Variants in NDUFAF2 observed in about 807,000 individuals in gnomAD.
NDUFAF2 encodes NADH dehydrogenase [ubiquinone] 1 alpha subcomplex assembly factor 2.
A neutral mutation model predicts 22.8 loss-of-function variants in NDUFAF2; 13 were observed. The observed-to-expected ratio is 0.57, with a 90% CI of 0.37 to 0.91. NDUFAF2 has a LOEUF of 0.91. Among genes scored for constraint, NDUFAF2 ranks in the 40% least tolerant of loss-of-function variants. The probability of loss-of-function intolerance (pLI) is 0.01; values close to 1 mark genes in which losing one functional copy is unlikely to be tolerated. For missense variants in NDUFAF2, 162 were observed against 195.2 expected (o/e 0.83, Z 1.01); for synonymous variants, 53 against 64.2 (o/e 0.83, Z 0.84).
intron 1 of NDUFAF2, among the ~76,000 whole-genome samples, chr5:60,989,970 A>G (rs1316718802): frequency 1.3e-5 from 2 of 152,208 alleles, no homozygotes; most frequent in Non-Finnish European, 1.5e-5. Flanking sequence ...CTATTAAGCC[A>G]TAAAAAAGAA....
intron 1 of NDUFAF2, among the ~76,000 whole-genome samples, chr5:60,950,671 T>A (rs923434323): frequency 6.6e-6 from 1 of 150,696 alleles, no homozygotes; most frequent in Non-Finnish European, 1.5e-5. Context: ...TCTGTTGGAA[T>A]GATCATGTGG....
chr5:61,062,802 A>G (rs1752181858), intron 1 of NDUFAF2, among the ~76,000 whole-genome samples: 1 of 152,188 alleles, frequency 6.6e-6, no homozygotes. Context: ...AAAAGAAGCA[A>G]GAAAAAAGCA....
At chr5:61,118,202 G>T (rs528466165) in intron 3 of NDUFAF2, among the ~76,000 whole-genome samples, 2 of 152,196 alleles carry the variant, frequency 1.3e-5, no homozygotes, top group Admixed American at 6.5e-5. Flanking sequence ...GTCTTGCCTT[G>T]CAGTTTAAAA....
chr5:60,990,053 A>G (rs146822632), intron 1 of NDUFAF2, among the ~76,000 whole-genome samples: 17 of 152,340 alleles, frequency 1.1e-4, no homozygotes, highest in South Asian at 2.1e-4. Flanking sequence ...CCAGGCACAG[A>G]AAGACAAACT....
At chr5:60,959,908 T>A (rs1750662354) in intron 1 of NDUFAF2, among the ~76,000 whole-genome samples, 1 of 152,146 alleles carries the variant, frequency 6.6e-6, no homozygotes. Flanking sequence ...TGTATTTTGT[T>A]GAGGGGAAAC....
At chr5:60,954,172 T>C (rs1242683160) in intron 1 of NDUFAF2, among the ~76,000 whole-genome samples, 1 of 152,162 alleles carries the variant, frequency 6.6e-6, no homozygotes. Flanking sequence ...CCCAAGTCAT[T>C]AGCTGTAAGA....
intron 1 of NDUFAF2, among the ~76,000 whole-genome samples, chr5:60,981,541 C>A (rs1190172698): frequency 1.3e-5 from 2 of 152,124 alleles, no homozygotes; most frequent in Non-Finnish European, 2.9e-5. Context: ...AGAATACTGT[C>A]ACACTGAAGT....
In NDUFAF2 at chr5:61,121,428, G is replaced by C. The variant is rs530943117; in HGVS notation, c.258+22396G>C. ...TACAGCTTGTTTTTCTTTTTAATGA[G>C]CTAGAAAAACATGGAATAGAAAGTA... On this transcript the variant is annotated intron_variant, in intron 3 of 3. Transcript: ENST00000296597. Among the ~76,000 whole-genome samples, 18 of 152,190 alleles carry C rather than the reference G, an allele frequency of 1.2e-4. No homozygotes were observed. In the South Asian group the frequency reaches 3.5e-3, roughly 30 times the overall value.
intron 3 of NDUFAF2, among the ~76,000 whole-genome samples, chr5:61,138,496 T>TC (rs1176726485): frequency 1.3e-5 from 2 of 151,840 alleles, no homozygotes; most frequent in African/African-American, 2.4e-5. Context: ...AACAGCCTCC[T>TC]CCCCCCCAGA....
chr5:61,123,289 A>G (rs544263564), intron 3 of NDUFAF2, among the ~76,000 whole-genome samples: 2 of 152,284 alleles, frequency 1.3e-5, no homozygotes, highest in East Asian at 3.9e-4. Flanking sequence ...TCACTTGATG[A>G]CAGGTAGGTC....
chr5:61,138,773 CTG>C (rs1741005373), intron 3 of NDUFAF2, among the ~76,000 whole-genome samples: 1 of 152,164 alleles, frequency 6.6e-6, no homozygotes, highest in Admixed American at 6.5e-5. Flanking sequence ...TTGCTGAGAA[CTG>C]TGCAAAGAGT....
chr5:61,131,167 A>G (rs295572), intron 3 of NDUFAF2, among the ~76,000 whole-genome samples: 6,608 of 151,806 alleles, frequency 0.044, 176 homozygotes, highest in South Asian at 0.08. Flanking sequence ...TTCACCATAG[A>G]TACAGGTGTA....
chr5:61,107,296 T>A (rs1019974089), intron 3 of NDUFAF2, among the ~76,000 whole-genome samples: 2 of 151,408 alleles, frequency 1.3e-5, no homozygotes, highest in African/African-American at 4.9e-5. Flanking sequence ...GGTGACGTGA[T>A]ATCTCGTTGT....
At chr5:61,018,846 A>G (rs1751543920) in intron 1 of NDUFAF2, among the ~76,000 whole-genome samples, 1 of 152,118 alleles carries the variant, frequency 6.6e-6, no homozygotes, top group South Asian at 2.1e-4. Flanking sequence ...AAGAGCCTGC[A>G]TTTTATTGCA....
At chr5:61,101,205 G>A (rs1009816419) in intron 3 of NDUFAF2, among the ~76,000 whole-genome samples, 8 of 152,036 alleles carry the variant, frequency 5.3e-5, no homozygotes, top group Non-Finnish European at 1.0e-4. Flanking sequence ...ATTAAGCTGT[G>A]AAATTATAAG....
chr5:61,034,620 T>C (rs1751773015), intron 1 of NDUFAF2, among the ~76,000 whole-genome samples: 1 of 152,132 alleles, frequency 6.6e-6, no homozygotes, highest in African/African-American at 2.4e-5. Context: ...GGCAGCAAGA[T>C]AGGGAGCTTG....
intron 3 of NDUFAF2, among the ~76,000 whole-genome samples, chr5:61,107,745 C>T (rs1182562664): frequency 1.3e-5 from 2 of 150,152 alleles, no homozygotes; most frequent in Admixed American, 6.6e-5. Context: ...ATACACGTGC[C>T]ATGCTGGTGC....
intron 3 of NDUFAF2, among the ~76,000 whole-genome samples, chr5:61,131,600 A>C (rs1753112611): frequency 6.6e-6 from 1 of 152,164 alleles, no homozygotes; most frequent in Admixed American, 6.6e-5. Flanking sequence ...TCTATAGGGG[A>C]TTGAACGAAT....
intron 1 of NDUFAF2, among the ~76,000 whole-genome samples, chr5:61,053,632 A>G (rs1752051019): frequency 6.6e-6 from 1 of 152,194 alleles, no homozygotes; most frequent in Non-Finnish European, 1.5e-5. Context: ...ATAGAATACC[A>G]TGGGTCAAAT....
Sources: gnomAD v4.1 joint callset for allele counts (sites outside exome capture counted in the v4.1 genomes callset) on GRCh38, gnomAD v4.1.1 for gene constraint, MANE v1.5 for transcripts, NCBI Gene and HGNC (gene_info 2026-07-23, HGNC 2026-07-21) for gene names.